The following GATB variants were observed in gnomAD, a reference collection of about 807,000 sequenced individuals.
The protein encoded by GATB is glutamyl-tRNA(Gln) amidotransferase subunit B, mitochondrial.
GATB carries 39 observed loss-of-function variants against 62.3 expected under a neutral mutation model. The observed-to-expected ratio is 0.63, with a 90% confidence interval of 0.48 to 0.82. GATB has a LOEUF of 0.82. Among genes scored for constraint, GATB ranks in the 40% least tolerant of loss-of-function variants. The pLI, the probability that GATB is intolerant of heterozygous loss-of-function variation, is 0.00. For synonymous variants in GATB, 276 were observed against 258.9 expected, an observed-to-expected ratio of 1.07 and a Z score of -0.63; for missense variants, 670 against 684.0, an observed-to-expected ratio of 0.98 and a Z score of 0.23.
At position 151,734,731 on chromosome 4, in the gene GATB, T is replaced by C. The variant is rs140324825; in HGVS notation, c.328-15193A>G. Among the ~76,000 whole-genome samples, 8 of 152,192 alleles carry C rather than the reference T, an allele frequency of 5.3e-5. No homozygotes were observed. The East Asian group carries it at 1.5e-3, about 29-fold the overall frequency. Reference sequence around the variant, plus strand: ...ACACAGCCTGGTACTGGCATAAAAATAGGCATAGACCAATGGAACAGAATA... The same window carrying C: ...ACACAGCCTGGTACTGGCATAAAAACAGGCATAGACCAATGGAACAGAATA... On this transcript the variant is annotated intron_variant, in intron 2 of 12. Transcript: ENST00000263985.
intron 10 of GATB, among the ~76,000 whole-genome samples, chr4:151,686,728 A>G (rs1738257775): frequency 7.4e-6 from 1 of 135,728 alleles, no homozygotes. Flanking sequence ...TTCTCTGTGC[A>G]CGCTTCCCAG....
In GATB at chr4:151,671,317, ATTAC is replaced by A. The variant is rs34076826; in HGVS notation, c.1546-19_1546-16del. 41 of 1,605,698 alleles carry A rather than the reference ATTAC, an allele frequency of 2.6e-5. No individual in the cohort carries two copies. The highest frequency in any genetic ancestry group is 3.3e-5 in the Admixed American group (2 of 59,918). The stretch of plus-strand genomic sequence containing the variant: ...ACATCCATTACCTAGAAGGACAGAA[ATTAC>A]TTACTTAAGAGGAGAAAATGAAGGG... On this transcript the variant is annotated splice_polypyrimidine_tract_variant and intron_variant, in intron 12 of 12. Transcript: ENST00000263985.
At chr4:151,735,846 T>C (rs936957843) in intron 2 of GATB, among the ~76,000 whole-genome samples, 2 of 150,958 alleles carry the variant, frequency 1.3e-5, no homozygotes, top group Admixed American at 6.6e-5. Flanking sequence ...GTAAGAATGA[T>C]ACAATGGACT....
At chr4:151,701,035 G>T (rs1288675621) in intron 9 of GATB, among the ~76,000 whole-genome samples, 1 of 152,078 alleles carries the variant, frequency 6.6e-6, no homozygotes, top group Admixed American at 6.5e-5. Context: ...CATAACATTT[G>T]GACAGTCTTC....
chr4:151,744,174 C>G (rs1270439742), intron 2 of GATB, among the ~76,000 whole-genome samples: 2 of 151,920 alleles, frequency 1.3e-5, no homozygotes, highest in Non-Finnish European at 2.9e-5. Flanking sequence ...GACAAGAGAC[C>G]CATAAAGAAG....
chr4:151,739,228 C>T (rs1739436567), intron 2 of GATB, among the ~76,000 whole-genome samples: 1 of 152,172 alleles, frequency 6.6e-6, no homozygotes, highest in African/African-American at 2.4e-5. Context: ...ATTCTCCCTG[C>T]CTCAGCTCCA....
At chr4:151,693,965 T>G (rs1738419027) in intron 9 of GATB, among the ~76,000 whole-genome samples, 2 of 152,220 alleles carry the variant, frequency 1.3e-5, no homozygotes, top group African/African-American at 4.8e-5. Flanking sequence ...TACTACAAGC[T>G]GACAGCAGAC....
chr4:151,672,430 T>G (rs1476745297), intron 12 of GATB, among the ~76,000 whole-genome samples: 2 of 152,124 alleles, frequency 1.3e-5, no homozygotes, highest in African/African-American at 4.8e-5. Flanking sequence ...CACAACAGAT[T>G]CGAAATGCCA....
chr4:151,697,396 T>C (rs536347686), intron 9 of GATB, among the ~76,000 whole-genome samples: 1 of 152,004 alleles, frequency 6.6e-6, no homozygotes, highest in African/African-American at 2.4e-5. Context: ...AAATACCACA[T>C]GTTCTCACTT....
At chr4:151,695,732 C>T (rs530688665) in intron 9 of GATB, among the ~76,000 whole-genome samples, 1 of 152,140 alleles carries the variant, frequency 6.6e-6, no homozygotes, top group South Asian at 2.1e-4. Context: ...CTCTGCCCTA[C>T]GTGGAGACAC....
chr4:151,671,723 CCCCCTGCTCCCCA>C (rs1348524293), intron 12 of GATB, among the ~76,000 whole-genome samples: 1 of 152,082 alleles, frequency 6.6e-6, no homozygotes, highest in African/African-American at 2.4e-5. Context: ...CTTTCCTTCT[CCCCCTGCTCCCCA>C]CCAAGAAGAT....
intron 2 of GATB, among the ~76,000 whole-genome samples, chr4:151,751,439 C>T (rs1739719049): frequency 1.3e-5 from 2 of 152,076 alleles, no homozygotes; most frequent in Admixed American, 6.5e-5. Flanking sequence ...CACCTCACCG[C>T]CAAAGAAAAA....
At chr4:151,687,380 G>GA (rs1293370208) in intron 10 of GATB, among the ~76,000 whole-genome samples, 10 of 152,288 alleles carry the variant, frequency 6.6e-5, no homozygotes, top group African/African-American at 2.2e-4. Flanking sequence ...CTCCTACATT[G>GA]AAAAAGTCTG....
At chr4:151,758,082 G>T (rs1739873190) in intron 2 of GATB, among the ~76,000 whole-genome samples, 1 of 152,106 alleles carries the variant, frequency 6.6e-6, no homozygotes, top group Non-Finnish European at 1.5e-5. Flanking sequence ...AAAATGAGTG[G>T]TTAAGTGAGT....
At chr4:151,748,391 G>A (rs1380627498) in intron 2 of GATB, among the ~76,000 whole-genome samples, 1 of 152,154 alleles carries the variant, frequency 6.6e-6, no homozygotes, top group African/African-American at 2.4e-5. Flanking sequence ...TGACAAAACT[G>A]ACAAAAACAA....
intron 2 of GATB, among the ~76,000 whole-genome samples, chr4:151,736,719 A>C (rs1739382395): frequency 6.6e-6 from 1 of 152,214 alleles, no homozygotes; most frequent in East Asian, 1.9e-4. Flanking sequence ...CTCATCTTGA[A>C]TTCCCACATG....
chr4:151,760,772 CAGTT>C (rs756512103), intron 1 of GATB, 31 bp downstream of exon 1: 42 of 1,535,952 alleles, frequency 2.7e-5, no homozygotes, highest in African/African-American at 4.1e-5. Context: ...TTCCACCTCA[CAGTT>C]AGGTGGGCAG....
At chr4:151,755,098 GTTAA>G (rs138394364) in intron 2 of GATB, among the ~76,000 whole-genome samples, 3 of 152,216 alleles carry the variant, frequency 2.0e-5, no homozygotes, top group Non-Finnish European at 2.9e-5. Context: ...TTAATTATCT[GTTAA>G]TTAATAAGAG....
intron 5 of GATB, among the ~76,000 whole-genome samples, chr4:151,710,628 C>T (rs1009646766): frequency 8.5e-5 from 13 of 152,168 alleles, no homozygotes; most frequent in Admixed American, 1.3e-4. Flanking sequence ...ACCTACTGGA[C>T]GCCTCAGCAA....
Sources: allele counts gnomAD v4.1 joint callset (sites outside exome capture counted in the v4.1 genomes callset), GRCh38; gene constraint gnomAD v4.1.1; transcripts MANE v1.5; gene names NCBI Gene and HGNC (gene_info 2026-07-23, HGNC 2026-07-21).